The following DEPDC5 variants were observed in gnomAD, a reference collection of about 807,000 sequenced individuals.
The protein encoded by DEPDC5 is GATOR1 complex protein DEPDC5.
Under a neutral mutation model 217.3 loss-of-function variants are expected in DEPDC5, and 73 were observed. The ratio of observed to expected loss-of-function variants is 0.34; its 90% CI spans 0.28 to 0.41. The LOEUF is 0.41. Among genes scored for constraint, DEPDC5 ranks in the 10% least tolerant of loss-of-function variants. The pLI is 1.00. For synonymous variants in DEPDC5, 733 were observed against 756.7 expected (o/e 0.97, Z 0.51); for missense variants, 1,675 against 2,070.1 (o/e 0.81, Z 3.70).
At chr22:31,893,536 A>C in intron 38 of DEPDC5, 46 bp from the exon 39 acceptor site, 2 of 1,461,196 alleles carry the variant, frequency 1.4e-6, no homozygotes, top group Non-Finnish European at 1.8e-6. Context: ...TCTTCATCCC[A>C]CTCCTTTTCT....
chr22:31,826,661 G>A (rs544261275), intron 24 of DEPDC5, among the ~76,000 whole-genome samples: 6 of 152,076 alleles, frequency 3.9e-5, no homozygotes, highest in Admixed American at 1.3e-4. Flanking sequence ...GCACAGCTCC[G>A]TATGCATAAC....
rs138372326 is a variant in DEPDC5, at chr22:31,842,836, A to G, written c.2516-259A>G. ...CAGAGGATGAGGTATCAGGTTGTTC[A>G]GCTTTGAGTGTGCCATCTAGGTGCT... is the stretch of plus-strand genomic sequence containing the variant. On this transcript the variant is annotated intron_variant, in intron 27 of 42. Coordinates refer to ENST00000651528, the MANE Select transcript of DEPDC5 (RefSeq NM_001242896.3). 5.4e-3 allele frequency among the ~76,000 whole-genome samples: 826 copies of G among 152,288 alleles called. 5 individuals carry two copies. The highest frequency in any genetic ancestry group is 8.5e-3 in the Non-Finnish European group (580 of 68,020).
chr22:31,905,955 G>C (rs2093750557), intron 41 of DEPDC5, 29 bp from the exon 42 acceptor site: 2 of 1,602,482 alleles, frequency 1.2e-6, no homozygotes, highest in East Asian at 4.5e-5. Flanking sequence ...AGGAGGCGCT[G>C]ATTAGCATGT....
intron 38 of DEPDC5, chr22:31,891,174 C>T: frequency 3.8e-6 from 2 of 530,526 alleles, no homozygotes; most frequent in South Asian, 1.7e-5. Context: ...CTTCTTTAAA[C>T]TGTCAAGTAC....
intron 32 of DEPDC5, chr22:31,858,752 AT>A (rs1243335173): frequency 2.0e-5 from 3 of 152,186 alleles, no homozygotes; most frequent in African/African-American, 7.2e-5. Context: ...GTAGATGGTG[AT>A]TTTTAAATGA....
chr22:31,768,769 TCTCC>T (rs745841156), intron 6 of DEPDC5, 41 bp from the exon 7 acceptor site: 215 of 1,487,150 alleles, frequency 1.4e-4, no homozygotes, highest in Non-Finnish European at 1.6e-4. Context: ...TCTCACCCTC[TCTCC>T]CTCCCTCCCT....
At position 31,906,005 on chromosome 22, in the gene DEPDC5, A is replaced by G. The variant is rs1437297526; in HGVS notation, c.4458A>G (p.Lys1486=). The change falls in exon 42 of 43, where the codon AAA becomes AAG. Residue 1486 remains lysine (K), a synonymous_variant. Transcript: ENST00000651528. The surrounding 1 kb of genome is among the most constrained non-coding windows in gnomAD (Gnocchi z 5.1). The part of the protein sequence containing the change: ...IAHRFGFVQD[K]YSASAFNFPA... ...CTAGGTTTGGGTTTGTACAAGATAA[A>G]TATTCTGCCTCTGCTTTTAACTTCC... 8 of 1,614,020 alleles carry G rather than the reference A, an allele frequency of 5.0e-6. No homozygotes were observed. Among genetic ancestry groups the G allele is most frequent in the African/African-American group, 2.7e-5 (2 of 74,910 alleles).
chr22:31,883,629 G>C (rs1171536330), intron 38 of DEPDC5, among the ~76,000 whole-genome samples: 2 of 152,192 alleles, frequency 1.3e-5, no homozygotes, highest in African/African-American at 4.8e-5. Flanking sequence ...TAGAGTTTAG[G>C]AAACTGTGAG....
At chr22:31,782,286 C>T (rs1374114470) in intron 8 of DEPDC5, among the ~76,000 whole-genome samples, 1 of 151,756 alleles carries the variant, frequency 6.6e-6, no homozygotes, top group African/African-American at 2.4e-5. Flanking sequence ...TATAGGCGCT[C>T]ACCACCATGC....
chr22:31,775,201 CAG>C (rs1295483259), intron 7 of DEPDC5, among the ~76,000 whole-genome samples: 1 of 150,788 alleles, frequency 6.6e-6, no homozygotes, highest in Non-Finnish European at 1.5e-5. Flanking sequence ...TTTTTTGAGA[CAG>C]AGTTTTACTC....
At chr22:31,858,161 G>A (rs1317889983) in intron 32 of DEPDC5, 1 of 152,212 alleles carries the variant, frequency 6.6e-6, no homozygotes, top group Non-Finnish European at 1.5e-5. Flanking sequence ...CTCATCTTTA[G>A]CTTTCCCAGA....
chr22:31,840,794 G>C (rs1194713164), intron 27 of DEPDC5, among the ~76,000 whole-genome samples: 1 of 152,298 alleles, frequency 6.6e-6, no homozygotes, highest in South Asian at 2.1e-4. Context: ...TTATTCATCA[G>C]AGATTTATTG....
chr22:31,883,071 T>C (rs2093219240), intron 38 of DEPDC5, among the ~76,000 whole-genome samples: 1 of 152,188 alleles, frequency 6.6e-6, no homozygotes, highest in Non-Finnish European at 1.5e-5. Flanking sequence ...TGTGGGGAAG[T>C]GTTCTGTGCA....
intron 7 of DEPDC5, 133 bp downstream of exon 7, chr22:31,768,996 C>T (rs564554485): frequency 1.5e-4 from 184 of 1,196,802 alleles, no homozygotes; most frequent in Non-Finnish European, 2.1e-4. Flanking sequence ...CACAGTGGCT[C>T]ACGCCTGTAA....
At chr22:31,897,395 T>C (rs891239749) in intron 39 of DEPDC5, 87 bp from the exon 40 acceptor site, 157 of 1,500,118 alleles carry the variant, frequency 1.0e-4, no homozygotes, top group Non-Finnish European at 1.0e-4. Context: ...CATGCTGCCT[T>C]TCTGGCGGGT....
intron 24 of DEPDC5, 62 bp from the exon 25 acceptor site, chr22:31,833,853 C>A: frequency 7.2e-7 from 1 of 1,396,722 alleles, no homozygotes; most frequent in South Asian, 1.8e-5. Context: ...TCAACCATAA[C>A]TGGTCAGAAC....
At chr22:31,799,342 CTT>C (rs111494517) in intron 14 of DEPDC5, among the ~76,000 whole-genome samples, 4,230 of 144,162 alleles carry the variant, frequency 0.029, 92 homozygotes, top group South Asian at 0.066. Flanking sequence ...AGCACCTGGC[CTT>C]TTTTTTTTTT....
intron 8 of DEPDC5, among the ~76,000 whole-genome samples, chr22:31,783,557 A>C (rs2084680549): frequency 6.6e-6 from 1 of 152,094 alleles, no homozygotes; most frequent in African/African-American, 2.4e-5. Flanking sequence ...GCTACTCGAG[A>C]GGCTGAAGTG....
chr22:31,842,093 C>T (rs942776467), intron 27 of DEPDC5, among the ~76,000 whole-genome samples: 1 of 152,214 alleles, frequency 6.6e-6, no homozygotes, highest in Non-Finnish European at 1.5e-5. Flanking sequence ...GGAGGAACAA[C>T]GTTTGAGCCC....
Sources: gnomAD v4.1 joint callset for allele counts (sites outside exome capture counted in the v4.1 genomes callset) on GRCh38, gnomAD v4.1.1 for gene constraint, Gnocchi (gnomAD v3.1) non-coding constraint, MANE v1.5 for transcripts, NCBI Gene and HGNC (gene_info 2026-07-23, HGNC 2026-07-21) for gene names.